Variants in ARHGAP40 observed in about 807,000 individuals in gnomAD.
ARHGAP40 encodes Rho GTPase activating protein 40.
ARHGAP40 carries 43 observed loss-of-function variants against 73.5 expected under a neutral mutation model. The observed-to-expected ratio is 0.58, with a 90% CI of 0.46 to 0.75. The LOEUF (loss-of-function observed/expected upper bound fraction) is 0.75, where lower values mean the gene tolerates loss of function less well. Ranked by LOEUF, ARHGAP40 falls within the 30% of genes least tolerant of loss-of-function variation. The pLI is 0.00. For missense variants in ARHGAP40, 734 were observed against 861.8 expected, an observed-to-expected ratio of 0.85 and a Z score of 1.86; for synonymous variants, 300 against 352.8, an observed-to-expected ratio of 0.85 and a Z score of 1.68.
exon 6 of ARHGAP40, chr20:38,634,753 AGAG>A (rs2088963025): frequency 7.7e-7 from 1 of 1,301,296 alleles, no homozygotes; most frequent in Admixed American, 2.3e-5. Flanking sequence ...TTGGACCTGA[AGAG>A]GAGCAAGGCG....
At chr20:38,649,358 C>T (rs1601154162) in intron 14 of ARHGAP40, among the ~76,000 whole-genome samples, 2 of 152,308 alleles carry the variant, frequency 1.3e-5, no homozygotes, top group African/African-American at 2.4e-5. Context: ...GGGTGCCCCT[C>T]AGGAAAAGGG....
intron 1 of ARHGAP40, among the ~76,000 whole-genome samples, chr20:38,622,535 A>C (rs1426869565): frequency 6.6e-6 from 1 of 152,194 alleles, no homozygotes; most frequent in African/African-American, 2.4e-5. Context: ...CTTTGATTGC[A>C]TGAAGCAGAA....
intron 1 of ARHGAP40, among the ~76,000 whole-genome samples, chr20:38,614,073 C>T (rs147884445): frequency 7.8e-4 from 119 of 152,266 alleles, no homozygotes; most frequent in Non-Finnish European, 1.4e-3. Flanking sequence ...GGGGTTGCTT[C>T]GTAGATGTGA....
intron 4 of ARHGAP40, 52 bp from the exon 5 acceptor site, chr20:38,629,450 C>T: frequency 3.8e-6 from 5 of 1,301,632 alleles, no homozygotes; most frequent in Non-Finnish European, 5.1e-6. Context: ...CACTTGCTTC[C>T]TGGCAGCCAG....
At chr20:38,643,266 C>G (rs1255296238) in intron 10 of ARHGAP40, among the ~76,000 whole-genome samples, 1 of 152,232 alleles carries the variant, frequency 6.6e-6, no homozygotes, top group African/African-American at 2.4e-5. Flanking sequence ...AGTGGTAGCT[C>G]TCATCACTTT....
chr20:38,636,653 TG>T (rs1316744517), intron 6 of ARHGAP40, among the ~76,000 whole-genome samples: 1 of 152,234 alleles, frequency 6.6e-6, no homozygotes, highest in African/African-American at 2.4e-5. Context: ...ACATTTTTGA[TG>T]CCCATGTCTT....
rs184764608 is a variant in ARHGAP40, at chr20:38,640,222, T to C, written c.1279+836T>C. Among the ~76,000 whole-genome samples the C allele has an allele frequency of 6.4e-3, 965 of 150,302 alleles. 8 individuals carry two copies. The highest frequency in any genetic ancestry group is 0.022 in the African/African-American group (916 of 40,880). On this transcript the variant is annotated intron_variant, in intron 9 of 14. Transcript: ENST00000373345. ...TTTCTTCTTTCTTCTTTCTTTCTTTTTTTTTTTTTTTAGAGATGGGGTCTT... is the reference window on the plus strand; with the variant it reads ...TTTCTTCTTTCTTCTTTCTTTCTTTCTTTTTTTTTTTAGAGATGGGGTCTT...
chr20:38,606,019 G>A (rs539073085), intron 1 of ARHGAP40, among the ~76,000 whole-genome samples: 40 of 152,026 alleles, frequency 2.6e-4, no homozygotes, highest in African/African-American at 8.2e-4. Flanking sequence ...GCACCACCAC[G>A]CCTAGCTATT....
At chr20:38,640,268 G>C (rs1383430831) in intron 9 of ARHGAP40, among the ~76,000 whole-genome samples, 12 of 144,762 alleles carry the variant, frequency 8.3e-5, no homozygotes, top group Admixed American at 4.9e-4. Context: ...CCAGGCTGGA[G>C]TGCAGTGGCA....
At chr20:38,639,688 C>G (rs1020246334) in intron 9 of ARHGAP40, among the ~76,000 whole-genome samples, 1 of 152,230 alleles carries the variant, frequency 6.6e-6, no homozygotes, top group African/African-American at 2.4e-5. Context: ...GACTAGTTTC[C>G]TTCACATCTT....
At position 38,617,787 on chromosome 20, in the gene ARHGAP40, A is replaced by G. The variant is rs567464579; in HGVS notation, c.138-5572A>G. Reference sequence around the variant, plus strand: ...TGGGTGAGCCACTTGCTGTGTCTGAATCTCAGATAGGAAGAGTCCAGAAGC... The same window carrying G: ...TGGGTGAGCCACTTGCTGTGTCTGAGTCTCAGATAGGAAGAGTCCAGAAGC... On this transcript the variant is annotated intron_variant, in intron 1 of 14. Coordinates refer to ENST00000373345, the Ensembl canonical transcript of ARHGAP40. 8.5e-5 allele frequency among the ~76,000 whole-genome samples: 13 copies of G among 152,304 alleles called. No individual in the cohort carries two copies. The South Asian group carries it at 2.5e-3, about 29-fold the overall frequency.
intron 6 of ARHGAP40, among the ~76,000 whole-genome samples, chr20:38,637,251 T>C (rs6026962): frequency 0.032 from 4,869 of 152,092 alleles, 272 homozygotes; most frequent in African/African-American, 0.11. Context: ...ATTCAAGCGA[T>C]TCTCCTGCCT....
At chr20:38,640,703 G>A (rs978329074) in intron 9 of ARHGAP40, among the ~76,000 whole-genome samples, 20 of 151,888 alleles carry the variant, frequency 1.3e-4, no homozygotes, top group South Asian at 2.1e-4. Flanking sequence ...AGGCTCTCTC[G>A]CTTTGCTGTT....
At chr20:38,623,641 A>G (rs971159535) in intron 2 of ARHGAP40, 83 bp downstream of exon 2, 48 of 1,128,284 alleles carry the variant, frequency 4.3e-5, no homozygotes, top group Non-Finnish European at 5.5e-5. Context: ...CCAGATATGA[A>G]CCAGAACATG....
chr20:38,634,945 G>A (rs566663923), intron 6 of ARHGAP40, among the ~76,000 whole-genome samples, 160 bp downstream of exon 6: 2 of 150,276 alleles, frequency 1.3e-5, no homozygotes, highest in East Asian at 3.9e-4. Context: ...GCAGTGATGT[G>A]ATCTCGGCTC....
chr20:38,616,780 T>C (rs1168804196), intron 1 of ARHGAP40, among the ~76,000 whole-genome samples: 1 of 152,166 alleles, frequency 6.6e-6, no homozygotes, highest in Non-Finnish European at 1.5e-5. Flanking sequence ...TGGCAAGGTC[T>C]GGAGACCTTG....
exon 14 of ARHGAP40, chr20:38,648,672 T>A (rs2089069523): frequency 7.7e-7 from 1 of 1,305,330 alleles, no homozygotes; most frequent in Non-Finnish European, 1.0e-6. Context: ...GCCAACATCC[T>A]CCTCTATGAA....
At chr20:38,624,841 A>G (rs543523592) in intron 2 of ARHGAP40, among the ~76,000 whole-genome samples, 11 of 152,312 alleles carry the variant, frequency 7.2e-5, no homozygotes, top group Admixed American at 7.2e-4. Context: ...AGCAATGATC[A>G]CTGCCTGACT....
intron 1 of ARHGAP40, among the ~76,000 whole-genome samples, chr20:38,613,883 G>A (rs865999043): frequency 1.1e-4 from 17 of 152,182 alleles, no homozygotes; most frequent in African/African-American, 3.6e-4. Context: ...GGCGAGCATC[G>A]TTTAATAATT....
Sources: allele counts gnomAD v4.1 joint callset (sites outside exome capture counted in the v4.1 genomes callset), GRCh38; gene constraint gnomAD v4.1.1; transcripts MANE v1.5; gene names NCBI Gene and HGNC (gene_info 2026-07-23, HGNC 2026-07-21).